The following VTI1A variants were observed in gnomAD, a reference collection of about 807,000 sequenced individuals.
VTI1A encodes the protein vesicle transport through interaction with t-SNAREs homolog 1A.
Under a neutral mutation model 34.9 loss-of-function variants are expected in VTI1A, and 22 were observed. The observed-to-expected ratio is 0.63, with a 90% confidence interval of 0.45 to 0.90. The LOEUF (loss-of-function observed/expected upper bound fraction) is 0.90, where lower values mean the gene tolerates loss of function less well. Ranked by LOEUF, VTI1A falls within the 40% of genes least tolerant of loss-of-function variation. The pLI is 0.00. For synonymous variants in VTI1A, 87 were observed against 97.3 expected (o/e 0.89, Z 0.62); for missense variants, 268 against 275.6 (o/e 0.97, Z 0.20).
chr10:112,812,962 C>T (rs929564990), intron 7 of VTI1A, among the ~76,000 whole-genome samples: 51 of 152,192 alleles, frequency 3.4e-4, no homozygotes, highest in African/African-American at 1.0e-3. Flanking sequence ...TCTCCATTCT[C>T]CTTTGAATGG....
At chr10:112,620,032 A>C (rs1027873479) in intron 5 of VTI1A, among the ~76,000 whole-genome samples, 10 of 152,220 alleles carry the variant, frequency 6.6e-5, no homozygotes, top group African/African-American at 2.4e-4. Flanking sequence ...ACTCTCCTCT[A>C]AAGTATTTCT....
intron 5 of VTI1A, among the ~76,000 whole-genome samples, chr10:112,656,934 GAGTT>G (rs1309829448): frequency 1.3e-5 from 2 of 152,056 alleles, no homozygotes; most frequent in African/African-American, 4.8e-5. Context: ...GATAGCGAGG[GAGTT>G]AGTTATCGCG....
chr10:112,791,176 G>A lies in VTI1A; in HGVS notation c.561-24114G>A, dbSNP rs142372783. Reference sequence around the variant, plus strand: ...ACCTGTTTTTGGCGGAACTGTTGAAGAAAAATGCCCTAGTCATCAGGTTGT... The same window carrying A: ...ACCTGTTTTTGGCGGAACTGTTGAAAAAAAATGCCCTAGTCATCAGGTTGT... On this transcript the variant is annotated intron_variant, in intron 7 of 7. Transcript: ENST00000393077. Among the ~76,000 whole-genome samples, 20 of 152,284 alleles carry A rather than the reference G, an allele frequency of 1.3e-4. 1 individual carries two copies. In the East Asian group the frequency reaches 3.1e-3, roughly 24 times the overall value.
intron 7 of VTI1A, among the ~76,000 whole-genome samples, chr10:112,736,111 GTATA>G (rs372188173): frequency 1.9e-3 from 219 of 116,180 alleles, no homozygotes; most frequent in Non-Finnish European, 2.7e-3. Context: ...ATGTGTGTGT[GTATA>G]TATATATATA....
intron 5 of VTI1A, among the ~76,000 whole-genome samples, chr10:112,601,084 C>G (rs546674520): frequency 1.1e-3 from 172 of 152,256 alleles, no homozygotes; most frequent in African/African-American, 3.6e-3. Context: ...GAGAAGGGAG[C>G]ACTGTATCCA....
At chr10:112,459,509 G>A (rs931364382) in intron 1 of VTI1A, among the ~76,000 whole-genome samples, 5 of 152,128 alleles carry the variant, frequency 3.3e-5, no homozygotes, top group Admixed American at 6.5e-5. Context: ...ATTAGATGCC[G>A]GTCATTTGCC....
chr10:112,505,625 G>GT (rs980108135), intron 3 of VTI1A, among the ~76,000 whole-genome samples: 36 of 151,350 alleles, frequency 2.4e-4, no homozygotes, highest in Admixed American at 3.9e-4. Context: ...TTATATGCTT[G>GT]TTTTTTATTC....
At chr10:112,529,517 G>C (rs1420377419) in intron 4 of VTI1A, among the ~76,000 whole-genome samples, 1 of 152,106 alleles carries the variant, frequency 6.6e-6, no homozygotes, top group Non-Finnish European at 1.5e-5. Flanking sequence ...TTGTAGCTCA[G>C]TAGCTAGGAA....
intron 3 of VTI1A, among the ~76,000 whole-genome samples, chr10:112,516,698 A>C (rs1221715268): frequency 2.0e-5 from 3 of 152,088 alleles, no homozygotes; most frequent in Non-Finnish European, 4.4e-5. Flanking sequence ...TAACAAACAT[A>C]CTGGAAATAG....
the VTI1A span, among the ~76,000 whole-genome samples, chr10:112,850,521 A>G: frequency 2.6e-5 from 4 of 152,118 alleles, no homozygotes; most frequent in Non-Finnish European, 1.5e-5. Flanking sequence ...CAATTTGAAG[A>G]CTACTGTGGA....
rs1850451235 is a variant in VTI1A at position 112,736,110 on chromosome 10, T to TATA, written c.560+67112_560+67113insATA. 3.0e-5 allele frequency among the ~76,000 whole-genome samples: 3 copies of TATA among 99,744 alleles called. No homozygotes were observed. The South Asian group carries it at 8.2e-4, about 27-fold the overall frequency. The allele number at this position is 99,744 out of a possible 152,430, so 65.4% of individuals were successfully genotyped here. A position where few individuals can be genotyped will look rare whatever the true frequency, so the allele number is the denominator to read the frequency against. Reference sequence around the variant, plus strand: ...TATATTTTACATATATATGTGTGTGTGTATATATATATATATATATATATA... The same window carrying TATA: ...TATATTTTACATATATATGTGTGTGTATAGTATATATATATATATATATATATA... On this transcript the variant is annotated intron_variant, in intron 7 of 7. Coordinates refer to ENST00000393077, the MANE Select transcript of VTI1A (RefSeq NM_145206.4).
At chr10:112,811,844 C>G (rs1001998681) in intron 7 of VTI1A, among the ~76,000 whole-genome samples, 4 of 152,152 alleles carry the variant, frequency 2.6e-5, no homozygotes, top group African/African-American at 9.7e-5. Flanking sequence ...CGCGCCTGTC[C>G]CCTGCACTGG....
At chr10:112,646,525 CTT>C (rs34886969) in intron 5 of VTI1A, among the ~76,000 whole-genome samples, 9 of 141,896 alleles carry the variant, frequency 6.3e-5, no homozygotes, top group Non-Finnish European at 4.7e-5. Context: ...GTACCATGTT[CTT>C]TTTTTTTTTT....
intron 3 of VTI1A, among the ~76,000 whole-genome samples, chr10:112,477,707 C>T (rs7899787): frequency 0.99 from 150,726 of 152,386 alleles, 74,546 homozygotes; most frequent in East Asian, 1. Flanking sequence ...CAAATGAGTT[C>T]CTTAAAACTG....
chr10:112,816,649 A>G lies in VTI1A; in HGVS notation c.*1266A>G. 1 of 227,434 alleles carries G rather than the reference A, an allele frequency of 4.4e-6. No individual in the cohort carries two copies. The highest frequency in any genetic ancestry group is 8.7e-6 in the Non-Finnish European group (1 of 114,402). The allele number at this position is 227,434 out of a possible 1,614,324, so 14.1% of individuals were successfully genotyped here. A position where few individuals can be genotyped will look rare whatever the true frequency, so the allele number is the denominator to read the frequency against. On this transcript the variant is annotated 3_prime_UTR_variant, in exon 8 of 8. Transcript: ENST00000393077. ...TGAGGTCGTTTCCCCCCAGTCACAA[A>G]GCAGAATGTTTTTCTCAAGACTTCA... is the stretch of plus-strand genomic sequence containing the variant.
chr10:112,671,785 G>A (rs926662871), intron 7 of VTI1A: 2 of 152,102 alleles, frequency 1.3e-5, no homozygotes, highest in Non-Finnish European at 2.9e-5. Context: ...AAATCCAGCA[G>A]CCACTAAATA....
intron 5 of VTI1A, among the ~76,000 whole-genome samples, chr10:112,543,190 C>T (rs955827649): frequency 6.6e-6 from 1 of 151,754 alleles, no homozygotes; most frequent in African/African-American, 2.4e-5. Context: ...TGGGTATATA[C>T]CCAGTAATGG....
Position 112,736,906 on chromosome 10 carries a change from A to G in VTI1A, c.560+67908A>G, listed in dbSNP as rs558865019. On this transcript the variant is annotated intron_variant, in intron 7 of 7. Transcript: ENST00000393077. ...CTGGTGGAAGTATTTATAGATGCGC[A>G]GTGCATGAGTACTTGGCAAGGATGC... is the stretch of plus-strand genomic sequence containing the variant. 2.1e-5 allele frequency: 14 copies of G among 678,950 alleles called. No homozygotes were observed. The Admixed American group carries it at 2.6e-4, about 13-fold the overall frequency. The allele number at this position is 678,950 out of a possible 1,614,324, so 42.1% of individuals were successfully genotyped here.
the VTI1A span, among the ~76,000 whole-genome samples, chr10:112,839,276 C>G: frequency 0.16 from 24,756 of 152,176 alleles, 2,525 homozygotes; most frequent in Middle Eastern, 0.24. Context: ...CAATCGTGAG[C>G]CCTTGTCATT....
Sources: allele counts gnomAD v4.1 joint callset (sites outside exome capture counted in the v4.1 genomes callset), GRCh38; gene constraint gnomAD v4.1.1; transcripts MANE v1.5; gene names NCBI Gene and HGNC (gene_info 2026-07-23, HGNC 2026-07-21).